The following CSMD1 variants were observed in gnomAD, a reference collection of about 807,000 sequenced individuals.
CSMD1 encodes the protein CUB and sushi domain-containing protein 1.
A neutral mutation model predicts 417.5 loss-of-function variants in CSMD1; 213 were observed. That is an observed-to-expected ratio of 0.51 (90% CI 0.46 to 0.57). The LOEUF is 0.57. CSMD1 is among the 20% of genes least tolerant of loss of function. The pLI is 0.00. For synonymous variants in CSMD1, 2,862 were observed against 1,736.8 expected (o/e 1.65, Z -16.11); for missense variants, 6,923 against 4,529.7 (o/e 1.53, Z -15.17).
chr8:4,052,798 C>G (rs1798500178), intron 3 of CSMD1, among the ~76,000 whole-genome samples: 1 of 152,222 alleles, frequency 6.6e-6, no homozygotes, highest in Middle Eastern at 3.4e-3. Flanking sequence ...AACCCACTTC[C>G]AGATACTCTA....
At chr8:4,346,377 AC>A (rs1269459779) in intron 3 of CSMD1, among the ~76,000 whole-genome samples, 1 of 152,202 alleles carries the variant, frequency 6.6e-6, no homozygotes, top group Non-Finnish European at 1.5e-5. Flanking sequence ...GCGGCTGCTT[AC>A]CTGACCCCAC....
chr8:4,250,057 T>C (rs544919743), intron 3 of CSMD1, among the ~76,000 whole-genome samples: 85 of 152,258 alleles, frequency 5.6e-4, no homozygotes, highest in African/African-American at 1.9e-3. Context: ...TAAAGAGGGC[T>C]CTCAGAGTGG....
intron 54 of CSMD1, among the ~76,000 whole-genome samples, chr8:2,982,220 G>A (rs1345900481): frequency 1.3e-5 from 2 of 152,106 alleles, no homozygotes; most frequent in African/African-American, 2.4e-5. Context: ...GCCAGGCATG[G>A]TGGCAGGGGC....
chr8:3,196,573 C>G (rs1796714107), intron 33 of CSMD1, among the ~76,000 whole-genome samples: 1 of 152,148 alleles, frequency 6.6e-6, no homozygotes, highest in Non-Finnish European at 1.5e-5. Flanking sequence ...AATTAGATTT[C>G]TTTTCATGCC....
chr8:3,640,058 CAT>C (rs1797231904), intron 7 of CSMD1, among the ~76,000 whole-genome samples: 1 of 151,540 alleles, frequency 6.6e-6, no homozygotes. Context: ...AATCTAATTG[CAT>C]AAGAAGCAGC....
intron 1 of CSMD1, among the ~76,000 whole-genome samples, chr8:4,942,314 G>C (rs759961309): frequency 1.3e-5 from 2 of 151,472 alleles, no homozygotes; most frequent in East Asian, 2.0e-4. Flanking sequence ...GTGAATTCTT[G>C]CCTAACTCTG....
chr8:3,407,549 G>C (rs946041243), intron 14 of CSMD1, among the ~76,000 whole-genome samples: 4 of 151,668 alleles, frequency 2.6e-5, no homozygotes, highest in East Asian at 3.9e-4. Flanking sequence ...ATGAATGGAA[G>C]AATAGATGGA....
At chr8:4,036,290 G>T (rs922586318) in intron 3 of CSMD1, among the ~76,000 whole-genome samples, 12 of 152,020 alleles carry the variant, frequency 7.9e-5, no homozygotes, top group African/African-American at 2.9e-4. Flanking sequence ...TGTTGTTATG[G>T]TCAAGCCTCC....
At chr8:4,249,476 G>T (rs1187784759) in intron 3 of CSMD1, among the ~76,000 whole-genome samples, 2 of 152,198 alleles carry the variant, frequency 1.3e-5, no homozygotes, top group African/African-American at 2.4e-5. Flanking sequence ...TGTAAACAGG[G>T]TTAAACATTT....
intron 5 of CSMD1, among the ~76,000 whole-genome samples, chr8:3,959,573 C>G (rs960059172): frequency 6.6e-6 from 1 of 152,222 alleles, no homozygotes; most frequent in African/African-American, 2.4e-5. Context: ...TAGTTTTTGT[C>G]TCTTTTAATC....
intron 3 of CSMD1, among the ~76,000 whole-genome samples, chr8:4,091,942 T>C (rs1037121702): frequency 1.3e-5 from 2 of 152,152 alleles, no homozygotes; most frequent in Admixed American, 6.5e-5. Context: ...AAAAATGTCA[T>C]TGAGGAAAAG....
intron 8 of CSMD1, among the ~76,000 whole-genome samples, chr8:3,601,741 A>G (rs1342379172): frequency 6.6e-6 from 1 of 152,208 alleles, no homozygotes; most frequent in Non-Finnish European, 1.5e-5. Flanking sequence ...TTGAATAACA[A>G]CCAGTGCATT....
At chr8:3,120,992 A>G (rs1378199797) in intron 41 of CSMD1, among the ~76,000 whole-genome samples, 2 of 150,742 alleles carry the variant, frequency 1.3e-5, no homozygotes, top group African/African-American at 5.0e-5. Flanking sequence ...ATACATTTAC[A>G]GAAATCTCTA....
chr8:2,939,068 G>A (rs1223902671), intron 69 of CSMD1, among the ~76,000 whole-genome samples: 2 of 152,166 alleles, frequency 1.3e-5, no homozygotes, highest in African/African-American at 4.8e-5. Flanking sequence ...GGGCTCAGGC[G>A]ATCCTCCCAC....
At chr8:4,145,140 A>G (rs1368192669) in intron 3 of CSMD1, among the ~76,000 whole-genome samples, 1 of 151,210 alleles carries the variant, frequency 6.6e-6, no homozygotes, top group Non-Finnish European at 1.5e-5. Flanking sequence ...AATAGTTTAG[A>G]CACATGTAAT....
intron 3 of CSMD1, among the ~76,000 whole-genome samples, chr8:4,073,728 C>T (rs1186695518): frequency 6.6e-6 from 1 of 152,072 alleles, no homozygotes; most frequent in Admixed American, 6.5e-5. Flanking sequence ...TGTATAGACA[C>T]CAGCTGTTTT....
At chr8:4,184,238 T>A (rs973246235) in intron 3 of CSMD1, among the ~76,000 whole-genome samples, 18 of 152,314 alleles carry the variant, frequency 1.2e-4, no homozygotes, top group African/African-American at 4.3e-4. Flanking sequence ...GACAATATAT[T>A]TATTTAGCAT....
chr8:4,242,977 G>C (rs554433371), intron 3 of CSMD1, among the ~76,000 whole-genome samples: 4 of 152,170 alleles, frequency 2.6e-5, no homozygotes, highest in Non-Finnish European at 2.9e-5. Flanking sequence ...AAAATTTTAT[G>C]TGTAGTGAAG....
At chr8:3,171,466 G>C (rs924972856) in intron 37 of CSMD1, among the ~76,000 whole-genome samples, 1 of 152,176 alleles carries the variant, frequency 6.6e-6, no homozygotes, top group Non-Finnish European at 1.5e-5. Context: ...TCAAAAGTAT[G>C]ACAGGACTGA....
Sources: gnomAD v4.1 joint callset for allele counts (sites outside exome capture counted in the v4.1 genomes callset) on GRCh38, gnomAD v4.1.1 for gene constraint, MANE v1.5 for transcripts, NCBI Gene and HGNC (gene_info 2026-07-23, HGNC 2026-07-21) for gene names.